Variants in AASDH observed in about 807,000 individuals in gnomAD.
AASDH encodes beta-alanine-activating enzyme.
In AASDH, 81 loss-of-function variants were observed where a neutral mutation model predicts 102.3. That is an observed-to-expected ratio of 0.79 (90% CI 0.66 to 0.95). The LOEUF (loss-of-function observed/expected upper bound fraction) is 0.95, where lower values mean the gene tolerates loss of function less well. Among genes scored for constraint, AASDH ranks in the 40% least tolerant of loss-of-function variants. The pLI, the probability that AASDH is intolerant of heterozygous loss-of-function variation, is 0.00. For synonymous variants in AASDH, 398 were observed against 454.0 expected (o/e 0.88, Z 1.57); for missense variants, 1,203 against 1,266.2 (o/e 0.95, Z 0.76).
At position 56,374,390 on chromosome 4, in the gene AASDH, A is replaced by G. The variant is rs570626476; in HGVS notation, c.669-2747T>C. ...CTCAGAAAAAAAAAAAAAAAAAAAAAGGACATTTGAGATTCAACAAATGCA... is the reference window on the plus strand; with the variant it reads ...CTCAGAAAAAAAAAAAAAAAAAAAAGGGACATTTGAGATTCAACAAATGCA... On this transcript the variant is annotated intron_variant, in intron 4 of 14. Coordinates refer to ENST00000205214, the MANE Select transcript of AASDH (RefSeq NM_181806.4). Among the ~76,000 whole-genome samples the G allele has an allele frequency of 2.4e-3, 367 of 150,838 alleles. 4 individuals are homozygous for G. The highest frequency in any genetic ancestry group is 8.5e-3 in the African/African-American group (350 of 41,070).
Position 56,367,910 on chromosome 4 carries a change from C to CTA in AASDH, c.861+3539_861+3540dup, listed in dbSNP as rs1326618135. Among the ~76,000 whole-genome samples the CTA allele has an allele frequency of 2.0e-5, 3 of 152,070 alleles. No homozygotes were observed. The East Asian group carries it at 5.8e-4, about 29-fold the overall frequency. On this transcript the variant is annotated intron_variant, in intron 5 of 14. Coordinates refer to ENST00000205214, the MANE Select transcript of AASDH (RefSeq NM_181806.4). Reference sequence around the variant, plus strand: ...AAGAGCTTCTGCACAGCAAAAGAAACTACCATCAGAGTGAACAGGCAACCT... The same window carrying CTA: ...AAGAGCTTCTGCACAGCAAAAGAAACTATACCATCAGAGTGAACAGGCAACCT...
chr4:56,356,463 A>C lies in AASDH; in HGVS notation c.862-1040T>G, dbSNP rs145959241. ...CAGACCAGAGACAAAGCAAGAGAAG[A>C]AGCAGAGGCTGTTGACCTGGGCTGA... is the stretch of plus-strand genomic sequence containing the variant. On this transcript the variant is annotated intron_variant, in intron 5 of 14. Coordinates refer to ENST00000205214, the MANE Select transcript of AASDH (RefSeq NM_181806.4). 3.1e-3 allele frequency: 4,889 copies of C among 1,568,664 alleles called. 142 individuals carry two copies. In the African/African-American group the frequency reaches 0.057, roughly 18 times the overall value.
chr4:56,366,849 T>C (rs1467016661), intron 5 of AASDH, among the ~76,000 whole-genome samples: 1 of 150,392 alleles, frequency 6.6e-6, no homozygotes, highest in African/African-American at 2.5e-5. Flanking sequence ...CTATTCAACA[T>C]AGTGTTGGAA....
chr4:56,372,806 AG>A (rs1303497891), intron 4 of AASDH, among the ~76,000 whole-genome samples: 4 of 152,242 alleles, frequency 2.6e-5, no homozygotes, highest in African/African-American at 9.6e-5. Context: ...ATTTAATCAA[AG>A]TTTTATGAAA....
At chr4:56,379,178 C>G (rs551760973) in intron 3 of AASDH, among the ~76,000 whole-genome samples, 1 of 152,118 alleles carries the variant, frequency 6.6e-6, no homozygotes, top group Non-Finnish European at 1.5e-5. Flanking sequence ...TGAGCCACCA[C>G]GCCTGACCAC....
chr4:56,353,308 A>G (rs1749209767), intron 9 of AASDH, 96 bp downstream of exon 9: 3 of 1,048,490 alleles, frequency 2.9e-6, no homozygotes. Flanking sequence ...TGCTAGTACC[A>G]TTTATAAAAA....
chr4:56,349,489 C>T lies in AASDH; in HGVS notation c.2262G>A (p.Glu754=). Residue 754 remains glutamate (E), a synonymous_variant, in exon 11 of 15, where the codon GAG becomes GAA. Coordinates refer to ENST00000205214, the MANE Select transcript of AASDH (RefSeq NM_181806.4). ...TGTCTGACCTCCACCTCACATGTAA[C>T]TCCATTTTCTGAGTCCCTATCGCAG... is the stretch of plus-strand genomic sequence containing the variant. The part of the protein sequence containing the change: ...GKPAIGTQKM[E]LHVRWRSDTG... 1 of 1,614,176 alleles carries T rather than the reference C, an allele frequency of 6.2e-7. No homozygotes were observed. Among genetic ancestry groups the T allele is most frequent in the South Asian group, 1.1e-5 (1 of 91,084 alleles).
At chr4:56,343,817 G>A (rs1747998009) in intron 12 of AASDH, 133 bp from the exon 13 acceptor site, 2 of 857,080 alleles carry the variant, frequency 2.3e-6, no homozygotes, top group Non-Finnish European at 3.4e-6. Flanking sequence ...GCCTACTGTG[G>A]AGAATCAGAT....
chr4:56,378,334 TTC>T lies in AASDH; in HGVS notation c.480_481del (p.Lys161IlefsTer2). 6.2e-7 allele frequency: 1 copy of T among 1,614,170 alleles called. No homozygotes were observed. The highest frequency in any genetic ancestry group is 2.2e-5 in the East Asian group (1 of 44,880). On this transcript the variant is annotated frameshift_variant, in exon 4 of 15. Coordinates refer to ENST00000205214, the MANE Select transcript of AASDH (RefSeq NM_181806.4). LOFTEE classifies it high-confidence loss of function. ...GCTTTTTATTTTTTCTTTTTCATAT[TTC>T]TCTTTTCCATCATTTAGCATCAAGT...
intron 1 of AASDH, among the ~76,000 whole-genome samples, chr4:56,384,831 C>T (rs200891992): frequency 2.6e-5 from 4 of 152,036 alleles, no homozygotes; most frequent in South Asian, 2.1e-4. Flanking sequence ...CCCAGCACTT[C>T]GGGAGGCCGA....
intron 5 of AASDH, among the ~76,000 whole-genome samples, chr4:56,359,746 A>T (rs553285110): frequency 6.6e-6 from 1 of 151,870 alleles, no homozygotes; most frequent in African/African-American, 2.4e-5. Context: ...TTTAGTAGAG[A>T]CAGGGTTTCA....
chr4:56,368,168 G>C (rs1008073641), intron 5 of AASDH, among the ~76,000 whole-genome samples: 2 of 152,196 alleles, frequency 1.3e-5, no homozygotes, highest in African/African-American at 4.8e-5. Context: ...ACCACAATGA[G>C]ATACCATCTC....
chr4:56,379,532 A>G (rs74937427), intron 3 of AASDH, among the ~76,000 whole-genome samples: 2,405 of 151,948 alleles, frequency 0.016, 73 homozygotes, highest in African/African-American at 0.055. Flanking sequence ...GAGTGGGGGG[A>G]AGTACTTGCT....
At chr4:56,357,632 TTATA>T (rs943995166) in intron 5 of AASDH, among the ~76,000 whole-genome samples, 14 of 149,124 alleles carry the variant, frequency 9.4e-5, no homozygotes, top group South Asian at 6.2e-4. Context: ...TTAATATAAA[TTATA>T]TATATAATTA....
chr4:56,355,593 G>GTTTTTT (rs149149581), intron 5 of AASDH, among the ~76,000 whole-genome samples, 170 bp from the exon 6 acceptor site: 15 of 91,854 alleles, frequency 1.6e-4, no homozygotes, highest in Admixed American at 2.7e-4. Context: ...TTATCTTCTT[G>GTTTTTT]TTTTTTTTTT....
chr4:56,370,366 G>A (rs976778399), intron 5 of AASDH, among the ~76,000 whole-genome samples: 1 of 151,826 alleles, frequency 6.6e-6, no homozygotes, highest in African/African-American at 2.4e-5. Flanking sequence ...AAGAAAGAGA[G>A]AGAGAGAGAG....
intron 4 of AASDH, among the ~76,000 whole-genome samples, chr4:56,373,643 A>G (rs911865976): frequency 5.9e-5 from 9 of 152,210 alleles, no homozygotes; most frequent in African/African-American, 1.9e-4. Context: ...GAGCCCAACA[A>G]AGGCTACCCT....
Position 56,349,414 on chromosome 4 carries a change from A to G in AASDH, c.2337T>C (p.Asp779=). The G allele has an allele frequency of 6.2e-7, 1 of 1,614,220 alleles. No homozygotes were observed. ...ASPLVVIPTF[D]KSSTTVYIGS... ...CAATGTACACAGTTGTAGATGACTT[A>G]TCAAAAGTGGGTATTACAACCAGCG... is the stretch of plus-strand genomic sequence containing the variant. The change falls in exon 11 of 15, where the codon GAT becomes GAC. Residue 779 remains aspartate, a synonymous_variant. Transcript: ENST00000205214.
rs778182964 is a variant in AASDH, at chr4:56,378,440, A to C, written c.376T>G (p.Leu126Val). The change falls in exon 4 of 15, where the codon TTA becomes GTA. Residue 126 changes from leucine to valine, a missense_variant. Transcript: ENST00000205214. The stretch of plus-strand genomic sequence containing the variant: ...ACTGTAAATGTATCATAGTTCAATA[A>C]TGTTTCATGAAAAGATTTAAATTTC... ...INKFKSFHET[L>V]LNYDTFTVEH... 4.4e-6 allele frequency: 7 copies of C among 1,599,924 alleles called. No individual in the cohort carries two copies. In the South Asian group the frequency reaches 4.6e-5, roughly 10 times the overall value.
Sources: allele counts gnomAD v4.1 joint callset (sites outside exome capture counted in the v4.1 genomes callset), GRCh38; gene constraint gnomAD v4.1.1; transcripts MANE v1.5; gene names NCBI Gene and HGNC (gene_info 2026-07-23, HGNC 2026-07-21).